Variants in HOXC9 observed in about 807,000 individuals in gnomAD.
HOXC9 encodes homeobox protein Hox-C9.
HOXC9 carries 10 observed loss-of-function variants against 20.0 expected under a neutral mutation model. That is an observed-to-expected ratio of 0.50 (90% CI 0.31 to 0.85). The LOEUF (loss-of-function observed/expected upper bound fraction) is 0.85. HOXC9 is among the 40% of genes least tolerant of loss of function. The pLI is 0.05. For synonymous variants in HOXC9, 200 were observed against 163.7 expected (o/e 1.22, Z -1.69); for missense variants, 394 against 376.7 (o/e 1.05, Z -0.38).
intron 1 of HOXC9, among the ~76,000 whole-genome samples, chr12:54,000,954 CA>C (rs751798079): frequency 1.3e-5 from 2 of 152,092 alleles, no homozygotes; most frequent in Non-Finnish European, 2.9e-5. Context: ...GCTCCTCTCT[CA>C]GGAGCTGGCT....
chr12:54,000,637 G>A lies in HOXC9; in HGVS notation c.449G>A (p.Arg150His). ...ATGTACGGCTCGCCCGGGGAGCTGCGCGACCGCGCCCCGCAGACACTGCCC... is the reference window on the plus strand; with the variant it reads ...ATGTACGGCTCGCCCGGGGAGCTGCACGACCGCGCCCCGCAGACACTGCCC... ...DYMYGSPGEL[R>H]DRAPQTLPSP... The change falls in exon 1 of 2, where the codon CGC becomes CAC. Residue 150 changes from arginine to histidine, a missense_variant. Transcript: ENST00000303450. 2 of 1,543,424 alleles carry A rather than the reference G, an allele frequency of 1.3e-6. No homozygotes were observed. The highest frequency in any genetic ancestry group is 1.7e-6 in the Non-Finnish European group (2 of 1,151,026).
intron 1 of HOXC9, among the ~76,000 whole-genome samples, chr12:54,001,638 G>A (rs1441953190): frequency 6.6e-6 from 1 of 152,070 alleles, no homozygotes; most frequent in African/African-American, 2.4e-5. Context: ...CCAGGAGGGG[G>A]CTGCAGGAAA....
In HOXC9 at chr12:54,000,626, C is replaced by T; in HGVS notation, c.438C>T (p.Pro146=). The T allele has an allele frequency of 6.5e-7, 1 of 1,539,014 alleles. No homozygotes were observed. Among genetic ancestry groups the T allele is most frequent in the Non-Finnish European group, 8.7e-7 (1 of 1,149,204 alleles). The part of the protein sequence containing the change: ...RSYPDYMYGS[P]GELRDRAPQT... ...ACCCGGACTACATGTACGGCTCGCC[C>T]GGGGAGCTGCGCGACCGCGCCCCGC... Residue 146 remains proline (P), a synonymous_variant, in exon 1 of 2, where the codon CCC becomes CCT. Transcript: ENST00000303450.
Position 54,000,429 on chromosome 12 carries a change from G to A in HOXC9, c.241G>A (p.Gly81Ser), listed in dbSNP as rs1364653355. ...SQSSVVYHPYGPQPHLGADTR... is the reference protein window; with the variant it reads ...SQSSVVYHPYSPQPHLGADTR... ...GTCGTCCGTGGTATATCACCCGTACGGCCCCCAGCCCCACCTCGGCGCCGA... is the reference window on the plus strand; with the variant it reads ...GTCGTCCGTGGTATATCACCCGTACAGCCCCCAGCCCCACCTCGGCGCCGA... The change falls in exon 1 of 2, where the codon GGC becomes AGC. Residue 81 changes from glycine (G) to serine (S), a missense_variant. Coordinates refer to ENST00000303450, the MANE Select transcript of HOXC9 (RefSeq NM_006897.3). 1 of 1,608,926 alleles carries A rather than the reference G, an allele frequency of 6.2e-7. No individual in the cohort carries two copies. The highest frequency in any genetic ancestry group is 1.3e-5 in the African/African-American group (1 of 74,926).
At position 54,000,717 on chromosome 12, in the gene HOXC9, C is replaced by G. The variant is rs932151797; in HGVS notation, c.529C>G (p.Leu177Val). The change falls in exon 1 of 2, where the codon CTG (leucine) becomes GTG (valine). Residue 177 changes from leucine (L) to valine (V), a missense_variant. Physicochemically the swap from Leu to Val is conservative, Grantham distance 32. Coordinates refer to ENST00000303450, the MANE Select transcript of HOXC9 (RefSeq NM_006897.3). ...GSKHKEEKAD[L>V]DPSNPVANWI... The stretch of plus-strand genomic sequence containing the variant: ...CAAGCACAAAGAGGAGAAGGCCGAC[C>G]TGGACCCCAGTAAGTTGGGAGCAAT... The G allele has an allele frequency of 1.3e-6, 2 of 1,541,820 alleles. No homozygotes were observed. The highest frequency in any genetic ancestry group is 1.7e-6 in the Non-Finnish European group (2 of 1,150,854).
rs758595938 is a variant in HOXC9 at position 54,000,181 on chromosome 12, C to T, written c.-8C>T. 8 of 1,613,578 alleles carry T rather than the reference C, an allele frequency of 5.0e-6. No individual in the cohort carries two copies. Among genetic ancestry groups the T allele is most frequent in the Non-Finnish European group, 6.8e-6 (8 of 1,179,878 alleles). On this transcript the variant is annotated 5_prime_UTR_variant, in exon 1 of 2. Coordinates refer to ENST00000303450, the MANE Select transcript of HOXC9 (RefSeq NM_006897.3). ...ACAATAATCTTATGTATGTAAAACCCCGTTACGATGTCGGCGACGGGGCCC... is the reference window on the plus strand; with the variant it reads ...ACAATAATCTTATGTATGTAAAACCTCGTTACGATGTCGGCGACGGGGCCC...
chr12:54,001,310 T>C (rs1939738643), intron 1 of HOXC9, among the ~76,000 whole-genome samples: 2 of 151,986 alleles, frequency 1.3e-5, no homozygotes, highest in South Asian at 4.2e-4. Flanking sequence ...GAAGTGGGGA[T>C]AAAAGTGGGG....
rs778195706 is a variant in HOXC9 at position 54,000,737 on chromosome 12, A to G, written c.538+11A>G. ...CCGACCTGGACCCCAGTAAGTTGGG[A>G]GCAATTTTCCTTTACAACCGGCGCG... On this transcript the variant is annotated intron_variant, in intron 1 of 1. Transcript: ENST00000303450. 2 of 1,507,912 alleles carry G rather than the reference A, an allele frequency of 1.3e-6. No homozygotes were observed. Among genetic ancestry groups the G allele is most frequent in the East Asian group, 2.5e-5 (1 of 40,380 alleles). 93.4% of individuals were successfully genotyped at this position (1,507,912 alleles called of 1,614,324 possible).
rs776144672 is a variant in HOXC9 at position 54,002,512 on chromosome 12, G to A, written c.621G>A (p.Leu207=). The A allele has an allele frequency of 1.9e-6, 3 of 1,614,172 alleles. No individual in the cohort carries two copies. Among genetic ancestry groups the A allele is most frequent in the South Asian group, 1.1e-5 (1 of 91,076 alleles). ...CPYTKYQTLE[L]EKEFLFNMYL... ...ACACCAAGTACCAGACGCTGGAACT[G>A]GAGAAGGAGTTTCTCTTCAATATGT... The change falls in exon 2 of 2, where the codon CTG becomes CTA. Residue 207 remains leucine (L), a synonymous_variant. Transcript: ENST00000303450.
rs1274289356 is a variant in HOXC9, at chr12:54,002,593, G to A, written c.702G>A (p.Arg234=). Residue 234 remains arginine (R), a synonymous_variant, in exon 2 of 2, where the codon CGG becomes CGA. Coordinates refer to ENST00000303450, the MANE Select transcript of HOXC9 (RefSeq NM_006897.3). Reference sequence around the variant, plus strand: ...CCCGGGTTCTCAATCTCACCGAGCGGCAGGTCAAAATCTGGTTTCAGAATC... The same window carrying A: ...CCCGGGTTCTCAATCTCACCGAGCGACAGGTCAAAATCTGGTTTCAGAATC... ...EVARVLNLTE[R]QVKIWFQNRR... The A allele has an allele frequency of 2.5e-6, 4 of 1,614,032 alleles. 1 individual carries two copies. The Admixed American group carries it at 6.7e-5, about 27-fold the overall frequency.
At chr12:54,001,530 G>A (rs1381791140) in intron 1 of HOXC9, among the ~76,000 whole-genome samples, 2 of 151,916 alleles carry the variant, frequency 1.3e-5, no homozygotes, top group Non-Finnish European at 1.5e-5. Flanking sequence ...AGGGTGGGGG[G>A]CAGGTGGGAG....
Position 54,000,488 on chromosome 12 carries a change from G to A in HOXC9, c.300G>A (p.Leu100=), listed in dbSNP as rs1939707705. The change falls in exon 1 of 2, where the codon CTG becomes CTA. Residue 100 remains leucine (L), a synonymous_variant. Transcript: ENST00000303450. ...ACATGCGGACTTGGCTCGAGCCGCTGTCCGGCGCCGTCTCCTTCCCCAGCT... is the reference window on the plus strand; with the variant it reads ...ACATGCGGACTTGGCTCGAGCCGCTATCCGGCGCCGTCTCCTTCCCCAGCT... ...TRYMRTWLEP[L]SGAVSFPSFP... is the part of the protein sequence containing the mutation. 2.5e-6 allele frequency: 4 copies of A among 1,599,638 alleles called. No individual in the cohort carries two copies. In the South Asian group the frequency reaches 3.3e-5, roughly 13 times the overall value.
intron 1 of HOXC9, among the ~76,000 whole-genome samples, chr12:54,000,998 C>T (rs2136394308): frequency 6.6e-6 from 1 of 152,280 alleles, no homozygotes; most frequent in South Asian, 2.1e-4. Flanking sequence ...TCCTCCCAGC[C>T]CAGGCTTTTT....
rs74089872 is a variant in HOXC9, at chr12:54,001,878, C to T, written c.539-552C>T. 9.1e-3 allele frequency among the ~76,000 whole-genome samples: 1,381 copies of T among 152,160 alleles called. 25 individuals carry two copies. Among genetic ancestry groups the T allele is most frequent in the African/African-American group, 0.032 (1,307 of 41,488 alleles). ...CTGGGGAGAGGAGAAAGACTTTTCC[C>T]GTCTCAGCATCACCCTGAGAATTCG... On this transcript the variant is annotated intron_variant, in intron 1 of 1. Coordinates refer to ENST00000303450, the MANE Select transcript of HOXC9 (RefSeq NM_006897.3).
At position 54,000,551 on chromosome 12, in the gene HOXC9, C is replaced by T. The variant is rs1399341846; in HGVS notation, c.363C>T (p.Asp121=). ...AGGRHYALKP[D]AYPGRRADCG... ...GCCGTCACTACGCCCTCAAGCCGGA[C>T]GCCTACCCCGGGCGCCGCGCGGACT... The change falls in exon 1 of 2, where the codon GAC becomes GAT. Residue 121 remains aspartate, a synonymous_variant. Transcript: ENST00000303450. 6.5e-7 allele frequency: 1 copy of T among 1,546,076 alleles called. No individual in the cohort carries two copies. The highest frequency in any genetic ancestry group is 8.7e-7 in the Non-Finnish European group (1 of 1,153,362).
chr12:54,002,703 G>A lies in HOXC9; in HGVS notation c.*29G>A. On this transcript the variant is annotated 3_prime_UTR_variant, in exon 2 of 2. Coordinates refer to ENST00000303450, the MANE Select transcript of HOXC9 (RefSeq NM_006897.3). ...CTACCCAGCCTGCTGCCTCAGCACAGCCAAGGGAAAAACAAAAACCCCACA... is the reference window on the plus strand; with the variant it reads ...CTACCCAGCCTGCTGCCTCAGCACAACCAAGGGAAAAACAAAAACCCCACA... 1 of 1,576,420 alleles carries A rather than the reference G, an allele frequency of 6.3e-7. No individual in the cohort carries two copies. Among genetic ancestry groups the A allele is most frequent in the Non-Finnish European group, 8.6e-7 (1 of 1,160,762 alleles).
chr12:54,001,229 C>G (rs1343095948), intron 1 of HOXC9, among the ~76,000 whole-genome samples: 2 of 152,050 alleles, frequency 1.3e-5, no homozygotes, highest in Non-Finnish European at 2.9e-5. Context: ...ACTTCTCCCC[C>G]AGGAGCACTG....
At chr12:54,001,386 GA>G (rs1329315759) in intron 1 of HOXC9, among the ~76,000 whole-genome samples, 2 of 151,862 alleles carry the variant, frequency 1.3e-5, no homozygotes, top group Non-Finnish European at 1.5e-5. Flanking sequence ...TGAGAATGGG[GA>G]TCAGGGATGA....
Position 54,000,181 on chromosome 12 carries a change from C to A in HOXC9, c.-8C>A, listed in dbSNP as rs758595938. The A allele has an allele frequency of 1.2e-6, 2 of 1,613,578 alleles. No individual in the cohort carries two copies. Among genetic ancestry groups the A allele is most frequent in the Non-Finnish European group, 1.7e-6 (2 of 1,179,878 alleles). On this transcript the variant is annotated 5_prime_UTR_variant, in exon 1 of 2. Coordinates refer to ENST00000303450, the MANE Select transcript of HOXC9 (RefSeq NM_006897.3). ...ACAATAATCTTATGTATGTAAAACC[C>A]CGTTACGATGTCGGCGACGGGGCCC...
Sources: gnomAD v4.1 joint callset for allele counts (sites outside exome capture counted in the v4.1 genomes callset) on GRCh38, gnomAD v4.1.1 for gene constraint, MANE v1.5 for transcripts, NCBI Gene and HGNC (gene_info 2026-07-23, HGNC 2026-07-21) for gene names.